NEMP1: variants seen among roughly 807,000 people sequenced by gnomAD.
NEMP1 encodes the protein nuclear envelope integral membrane protein 1.
In NEMP1, 29 loss-of-function variants were observed where a neutral mutation model predicts 53.7. The ratio of observed to expected loss-of-function variants is 0.54; its 90% CI spans 0.40 to 0.74. NEMP1 has a LOEUF of 0.74. Among genes scored for constraint, NEMP1 ranks in the 30% least tolerant of loss-of-function variants. The pLI, the probability that NEMP1 is intolerant of heterozygous loss-of-function variation, is 0.00. For missense variants in NEMP1, 477 were observed against 528.6 expected, an observed-to-expected ratio of 0.90 and a Z score of 0.96; for synonymous variants, 193 against 192.9, an observed-to-expected ratio of 1.00 and a Z score of 0.00.
At chr12:57,077,331 A>T (rs1592518991) in intron 1 of NEMP1, among the ~76,000 whole-genome samples, 1 of 126,538 alleles carries the variant, frequency 7.9e-6, no homozygotes, top group Non-Finnish European at 1.7e-5. Context: ...GACTCTGTTT[A>T]AAAAAAAAAA....
intron 4 of NEMP1, among the ~76,000 whole-genome samples, chr12:57,067,354 A>G (rs1200948951): frequency 6.6e-6 from 1 of 151,986 alleles, no homozygotes; most frequent in Non-Finnish European, 1.5e-5. Flanking sequence ...GAACTAATAT[A>G]CTGTCTTACA....
rs1208297083 is a variant in NEMP1 at position 57,055,968 on chromosome 12, A to G, written c.*3911T>C. On this transcript the variant is annotated 3_prime_UTR_variant, in exon 9 of 9. Transcript: ENST00000300128. ...GTTTCTAATATTCACATTATGAACT[A>G]TTTGTTATGTTGTCATAAGAATGTG... 7 of 152,232 alleles carry G rather than the reference A, an allele frequency of 4.6e-5. No homozygotes were observed. Among genetic ancestry groups the G allele is most frequent in the Admixed American group, 6.5e-5 (1 of 15,282 alleles). The allele number at this position is 152,232 out of a possible 1,614,324, so 9.4% of individuals were successfully genotyped here.
chr12:57,055,882 C>A lies in NEMP1; in HGVS notation c.*3997G>T, dbSNP rs1393768961. ...TAAAACTTGCCAGTAATTCCTTAGC[C>A]CTGCTATTTCAATATCAATTCCACA... On this transcript the variant is annotated 3_prime_UTR_variant, in exon 9 of 9. Transcript: ENST00000300128. The A allele has an allele frequency of 6.6e-6, 1 of 152,144 alleles. No individual in the cohort carries two copies. Among genetic ancestry groups the A allele is most frequent in the Non-Finnish European group, 1.5e-5 (1 of 68,032 alleles). 9.4% of individuals were successfully genotyped at this position (152,144 alleles called of 1,614,324 possible). A position where few individuals can be genotyped will look rare whatever the true frequency, so the allele number is the denominator to read the frequency against.
At position 57,087,502 on chromosome 12, in the gene NEMP1, GCCCGT is replaced by G. The variant is rs1289669831; in HGVS notation, n.113+444_113+448del. Among the ~76,000 whole-genome samples the G allele has an allele frequency of 2.6e-5, 4 of 152,258 alleles. No individual in the cohort carries two copies. In the South Asian group the frequency reaches 6.2e-4, roughly 24 times the overall value. On this transcript the variant is annotated intron_variant and non_coding_transcript_variant, in intron 1 of 2. Coordinates refer to the NEMP1 transcript ENST00000553654. ...CGGGGTCGGGAGCGTCCCCAGGGGA[GCCCGT>G]CTAGCCGCACCCTCCAGTTGCGGGG...
intron 4 of NEMP1, 38 bp from the exon 5 acceptor site, chr12:57,064,777 T>C (rs962007994): frequency 9.7e-6 from 14 of 1,448,656 alleles, no homozygotes; most frequent in Non-Finnish European, 1.3e-5. Flanking sequence ...CATATGTATA[T>C]ATTTCATACA....
In NEMP1 at chr12:57,063,289, G is replaced by GGGCC; in HGVS notation, c.806_809dup (p.Leu271AlafsTer5). 6.2e-7 allele frequency: 1 copy of GGGCC among 1,614,164 alleles called. No individual in the cohort carries two copies. Among genetic ancestry groups the GGGCC allele is most frequent in the South Asian group, 1.1e-5 (1 of 91,084 alleles). ...GGTTGATACTTCGTTCATTCTCCAA[G>GGGCC]GGCCCATACTTGTAACATACTGCAA... On this transcript the variant is annotated frameshift_variant, in exon 7 of 9. Coordinates refer to ENST00000300128, the MANE Select transcript of NEMP1 (RefSeq NM_001130963.2). LOFTEE classifies it high-confidence loss of function.
chr12:57,072,354 C>T (rs539473362), intron 2 of NEMP1, among the ~76,000 whole-genome samples: 2 of 152,182 alleles, frequency 1.3e-5, no homozygotes, highest in East Asian at 1.9e-4. Context: ...GCAGGAGAAT[C>T]GCTTGAACCC....
At chr12:57,066,080 CTG>C (rs770129433) in intron 4 of NEMP1, among the ~76,000 whole-genome samples, 5 of 151,938 alleles carry the variant, frequency 3.3e-5, no homozygotes, top group East Asian at 1.9e-4. Context: ...CGGTGAAACC[CTG>C]TCTCTACTAA....
chr12:57,082,522 G>C (rs1284763889), upstream of NEMP1, among the ~76,000 whole-genome samples: 1 of 152,158 alleles, frequency 6.6e-6, no homozygotes, highest in South Asian at 2.1e-4. Context: ...AGACCAGCCT[G>C]GGCAACATAG....
At chr12:57,067,783 C>G (rs1171821915) in intron 4 of NEMP1, among the ~76,000 whole-genome samples, 2 of 152,108 alleles carry the variant, frequency 1.3e-5, no homozygotes, top group African/African-American at 4.8e-5. Context: ...CATCATCTCT[C>G]CCGACCTGAA....
chr12:57,082,045 C>T (rs557172065), upstream of NEMP1, among the ~76,000 whole-genome samples: 23 of 151,814 alleles, frequency 1.5e-4, no homozygotes, highest in South Asian at 2.9e-3. Context: ...AGTGAAACCC[C>T]GTCTCTACTA....
intron 7 of NEMP1, among the ~76,000 whole-genome samples, chr12:57,061,222 G>A (rs763455037): frequency 1.3e-5 from 2 of 151,940 alleles, no homozygotes; most frequent in Non-Finnish European, 2.9e-5. Flanking sequence ...CATTTTACTA[G>A]ACCTTTTTAT....
rs779255129 is a variant in NEMP1, at chr12:57,063,084, CCTGT to C, written c.980+31_980+34del. On this transcript the variant is annotated intron_variant, in intron 7 of 8. Transcript: ENST00000300128. ...TGCTGCAACTGCATCCCACAATGTA[CCTGT>C]CAATATTAAGTTACATTGCCTTTCA... is the stretch of plus-strand genomic sequence containing the variant. 4 of 1,515,180 alleles carry C rather than the reference CCTGT, an allele frequency of 2.6e-6. No homozygotes were observed. In the South Asian group the frequency reaches 4.5e-5, roughly 17 times the overall value. 93.9% of individuals were successfully genotyped at this position (1,515,180 alleles called of 1,614,324 possible). A position where few individuals can be genotyped will look rare whatever the true frequency, so the allele number is the denominator to read the frequency against.
At chr12:57,061,704 A>C (rs1170765175) in intron 7 of NEMP1, among the ~76,000 whole-genome samples, 2 of 144,534 alleles carry the variant, frequency 1.4e-5, no homozygotes, top group African/African-American at 5.2e-5. Context: ...AAAAAAAAAA[A>C]AAAACAAAAA....
chr12:57,065,502 A>G lies in NEMP1; in HGVS notation c.546-763T>C, dbSNP rs118150584. Among the ~76,000 whole-genome samples the G allele has an allele frequency of 4.6e-3, 685 of 150,462 alleles. 16 individuals are homozygous for G. The highest frequency in any genetic ancestry group is 0.032 in the East Asian group (162 of 5,124). ...TTCTGAATAACTTGCTACAGCTTCT[A>G]TATCAGTGCTTGGTTCATCTTTTTT... On this transcript the variant is annotated intron_variant, in intron 4 of 8. Coordinates refer to ENST00000300128, the MANE Select transcript of NEMP1 (RefSeq NM_001130963.2).
intron 4 of NEMP1, among the ~76,000 whole-genome samples, chr12:57,066,893 G>A (rs922411240): frequency 9.2e-5 from 14 of 152,152 alleles, no homozygotes; most frequent in African/African-American, 3.4e-4. Context: ...ATTCTCTCTT[G>A]CCTGCTGCCA....
chr12:57,065,385 T>C (rs1191325167), intron 4 of NEMP1, among the ~76,000 whole-genome samples: 1 of 152,248 alleles, frequency 6.6e-6, no homozygotes, highest in Admixed American at 6.5e-5. Context: ...ATCAAAGTCC[T>C]CAATGGCATC....
At chr12:57,072,969 A>C in intron 1 of NEMP1, 57 bp from the exon 2 acceptor site, 95 of 1,466,338 alleles carry the variant, frequency 6.5e-5, no homozygotes, top group Non-Finnish European at 7.5e-5. Flanking sequence ...ACTATAACTC[A>C]TTTCATGAAA....
chr12:57,073,125 C>A (rs2032429166), intron 1 of NEMP1, among the ~76,000 whole-genome samples: 1 of 150,800 alleles, frequency 6.6e-6, no homozygotes, highest in African/African-American at 2.4e-5. Flanking sequence ...GTCATTCAGT[C>A]AGAAAAGTAA....
Sources: gnomAD v4.1 joint callset for allele counts (sites outside exome capture counted in the v4.1 genomes callset) on GRCh38, gnomAD v4.1.1 for gene constraint, MANE v1.5 for transcripts, NCBI Gene and HGNC (gene_info 2026-07-23, HGNC 2026-07-21) for gene names.